The following CAPN8 variants were observed in gnomAD, a reference collection of about 807,000 sequenced individuals.
CAPN8 encodes the protein calpain 8.
A neutral mutation model predicts 80.9 loss-of-function variants in CAPN8; 87 were observed. The observed-to-expected ratio is 1.07, with a 90% CI of 0.90 to 1.28. CAPN8 has a LOEUF of 1.28. Ranked by LOEUF, CAPN8 falls within the 50% of genes most tolerant of loss-of-function variation. The probability of loss-of-function intolerance (pLI) is 0.00; values close to 1 mark genes in which losing one functional copy is unlikely to be tolerated. For missense variants in CAPN8, 757 were observed against 702.0 expected (o/e 1.08, Z -0.89); for synonymous variants, 299 against 273.8 (o/e 1.09, Z -0.91).
chr1:223,626,857 G>T (rs1424410620), intron 5 of CAPN8, 132 bp downstream of exon 5: 6 of 871,018 alleles, frequency 6.9e-6, no homozygotes, highest in Non-Finnish European at 1.0e-5. Flanking sequence ...CACTAGACTT[G>T]CCCACTAAGC....
chr1:223,620,816 C>T (rs1657365477), intron 7 of CAPN8, among the ~76,000 whole-genome samples: 1 of 152,162 alleles, frequency 6.6e-6, no homozygotes, highest in Non-Finnish European at 1.5e-5. Context: ...GAAACGTCAC[C>T]CTGTGAGACC....
chr1:223,656,525 G>GA (rs1036431780), intron 1 of CAPN8, among the ~76,000 whole-genome samples: 8 of 151,612 alleles, frequency 5.3e-5, no homozygotes, highest in African/African-American at 7.3e-5. Context: ...ATGAACATGA[G>GA]AAAAAAAACC....
At chr1:223,636,956 T>C (rs78211665) in intron 2 of CAPN8, among the ~76,000 whole-genome samples, 8,493 of 152,250 alleles carry the variant, frequency 0.056, 268 homozygotes, top group South Asian at 0.1. Context: ...ACTTCTGCCT[T>C]CTCTGGCTAA....
chr1:223,549,421 C>T, intron 15 of CAPN8, 39 bp from the exon 16 acceptor site: 1 of 1,551,092 alleles, frequency 6.4e-7, no homozygotes, highest in East Asian at 2.4e-5. Context: ...GGAATCGGAT[C>T]ATTTGAAGGT....
intron 9 of CAPN8, among the ~76,000 whole-genome samples, chr1:223,616,623 AG>A (rs1396201445): frequency 6.6e-6 from 1 of 152,204 alleles, no homozygotes; most frequent in Non-Finnish European, 1.5e-5. Context: ...GCTACCAAAA[AG>A]GTCTCTCCGT....
At position 223,627,083 on chromosome 1, in the gene CAPN8, G is replaced by C. The variant is rs200473326; in HGVS notation, c.635C>G (p.Ser212Cys). The C allele has an allele frequency of 5.2e-6, 8 of 1,552,110 alleles. No individual in the cohort carries two copies. In the East Asian group the frequency reaches 1.7e-4, roughly 33 times the overall value. The change falls in exon 5 of 21, where the codon TCT becomes TGT. Residue 212 changes from serine (S) to cysteine (C), a missense_variant. Physicochemically the swap from Ser to Cys is moderately radical, Grantham distance 112 (BLOSUM62 -1). Coordinates refer to ENST00000366872, the MANE Select transcript of CAPN8 (RefSeq NM_001143962.2). ...EGFEDFTGGI[S>C]EFYDLKKPPA... ...TGGTTTCTTCAGGTCATAAAACTCA[G>C]AGATGCCACCTGTGAAATCCTCAAA... is the stretch of plus-strand genomic sequence containing the variant.
At chr1:223,660,057 T>C (rs1558359677) in intron 1 of CAPN8, among the ~76,000 whole-genome samples, 1 of 152,186 alleles carries the variant, frequency 6.6e-6, no homozygotes, top group Non-Finnish European at 1.5e-5. Context: ...ATGTAGCAGC[T>C]GAAGAAAGAG....
rs373930121 is a variant in CAPN8 at position 223,543,122 on chromosome 1, G to A, written c.2074C>T (p.Leu692Phe). 50 of 1,551,580 alleles carry A rather than the reference G, an allele frequency of 3.2e-5. No individual in the cohort carries two copies. The highest frequency in any genetic ancestry group is 4.2e-5 in the Non-Finnish European group (48 of 1,147,012). ...LDEDKDGMVQ[L>F]SLAEWLCCVL... ...AGGACATTCACCTCGGCCAGAGAGA[G>A]CTGAACCATGCCATCCTTGTCTTCG... The change falls in exon 20 of 21, where the codon CTC becomes TTC. Residue 692 changes from leucine (L) to phenylalanine (F), a missense_variant. Transcript: ENST00000366872.
intron 2 of CAPN8, among the ~76,000 whole-genome samples, chr1:223,643,300 C>T (rs569464622): frequency 6.6e-6 from 1 of 152,328 alleles, no homozygotes; most frequent in Non-Finnish European, 1.5e-5. Context: ...CCGGCAGTTC[C>T]AACTCCGGGC....
At chr1:223,549,252 G>A in intron 16 of CAPN8, 66 bp downstream of exon 16, 4 of 1,532,482 alleles carry the variant, frequency 2.6e-6, no homozygotes, top group South Asian at 2.4e-5. Flanking sequence ...ACTGGAAAAG[G>A]TGGAGGAGTC....
chr1:223,544,893 G>A lies in CAPN8; in HGVS notation c.1834-43C>T, dbSNP rs987963250. 7.7e-6 allele frequency: 12 copies of A among 1,550,668 alleles called. No homozygotes were observed. In the African/African-American group the frequency reaches 8.2e-5, roughly 11 times the overall value. ...TCCCAAGTAGAAAACAACCATTCAC[G>A]GCCCCTGCCAGAACCATCTCCCTCC... On this transcript the variant is annotated intron_variant, in intron 17 of 20. Coordinates refer to ENST00000366872, the MANE Select transcript of CAPN8 (RefSeq NM_001143962.2).
chr1:223,664,284 A>ATTCAT (rs1391585236), intron 1 of CAPN8, among the ~76,000 whole-genome samples: 1 of 152,146 alleles, frequency 6.6e-6, no homozygotes, highest in African/African-American at 2.4e-5. Flanking sequence ...AATAATGTCA[A>ATTCAT]TTCATGACCT....
intron 2 of CAPN8, among the ~76,000 whole-genome samples, chr1:223,629,150 G>A (rs560179454): frequency 6.6e-6 from 1 of 151,954 alleles, no homozygotes; most frequent in East Asian, 1.9e-4. Context: ...AGTTGGTTGA[G>A]GGAAACATTG....
chr1:223,619,369 C>T lies in CAPN8; in HGVS notation c.1059G>A (p.Val353=), dbSNP rs796661732. The T allele has an allele frequency of 8.4e-6, 13 of 1,551,582 alleles. No homozygotes were observed. The African/African-American group carries it at 9.6e-5, about 11-fold the overall frequency. ...TGAACAGGACCAGGTTCCATTTGTG[C>T]ACCTCCTCGCTACTCAGAGAGTCCG... The part of the protein sequence containing the change: ...LSPDSLSSEE[V]HKWNLVLFNG... The change falls in exon 9 of 21, where the codon GTG becomes GTA. Residue 353 remains valine, a synonymous_variant. Coordinates refer to ENST00000366872, the MANE Select transcript of CAPN8 (RefSeq NM_001143962.2).
chr1:223,550,771 C>T (rs534192162), intron 15 of CAPN8, among the ~76,000 whole-genome samples, 189 bp downstream of exon 15: 9 of 152,238 alleles, frequency 5.9e-5, no homozygotes, highest in East Asian at 3.9e-4. Flanking sequence ...CCTCCACCCT[C>T]GCCTCCCCGT....
At chr1:223,554,878 C>T (rs1656870381) in intron 13 of CAPN8, among the ~76,000 whole-genome samples, 1 of 152,264 alleles carries the variant, frequency 6.6e-6, no homozygotes, top group Admixed American at 6.5e-5. Flanking sequence ...ATGAATGCTT[C>T]TGTCCAGAGA....
At chr1:223,627,613 G>C (rs1290582897) in intron 4 of CAPN8, among the ~76,000 whole-genome samples, 1 of 152,254 alleles carries the variant, frequency 6.6e-6, no homozygotes, top group Non-Finnish European at 1.5e-5. Flanking sequence ...AAACGCTGGT[G>C]AGAAGAACTC....
At chr1:223,623,299 G>T (rs958277927) in intron 6 of CAPN8, among the ~76,000 whole-genome samples, 2 of 152,192 alleles carry the variant, frequency 1.3e-5, no homozygotes, top group Non-Finnish European at 2.9e-5. Context: ...GAGGTGTAGT[G>T]CTAAGCATTT....
At chr1:223,653,246 A>AC (rs1658388132) in intron 2 of CAPN8, among the ~76,000 whole-genome samples, 2 of 150,948 alleles carry the variant, frequency 1.3e-5, no homozygotes, top group East Asian at 4.0e-4. Flanking sequence ...TGGGTGCGGC[A>AC]CCCCGAATCG....
Sources: allele counts gnomAD v4.1 joint callset (sites outside exome capture counted in the v4.1 genomes callset), GRCh38; gene constraint gnomAD v4.1.1; transcripts MANE v1.5; gene names NCBI Gene and HGNC (gene_info 2026-07-23, HGNC 2026-07-21).